Variants in PDE4D observed in about 807,000 individuals in gnomAD.
PDE4D encodes phosphodiesterase 4D.
A neutral mutation model predicts 87.4 loss-of-function variants in PDE4D; 24 were observed. The ratio of observed to expected loss-of-function variants is 0.27; its 90% CI spans 0.20 to 0.39. The LOEUF (loss-of-function observed/expected upper bound fraction) is 0.39. PDE4D is among the 10% of genes least tolerant of loss of function. The pLI is 1.00. For synonymous variants in PDE4D, 384 were observed against 383.2 expected (o/e 1.00, Z -0.02); for missense variants, 714 against 1,041.0 (o/e 0.69, Z 4.32).
chr5:60,392,178 T>C (rs1402643787), intron 1 of PDE4D, among the ~76,000 whole-genome samples: 1 of 152,160 alleles, frequency 6.6e-6, no homozygotes, highest in Non-Finnish European at 1.5e-5. Context: ...GGACCAAAGA[T>C]ACCCTGAGTT....
intron 1 of PDE4D, among the ~76,000 whole-genome samples, chr5:60,326,026 C>T (rs1461122673): frequency 2.0e-5 from 3 of 152,034 alleles, no homozygotes; most frequent in African/African-American, 7.2e-5. Context: ...AGTAGTATTC[C>T]GTGGTGTAGA....
intron 1 of PDE4D, among the ~76,000 whole-genome samples, chr5:59,342,632 CTGGGCAAGTAAACA>C (rs1051117829): frequency 1.3e-5 from 2 of 152,040 alleles, no homozygotes; most frequent in Admixed American, 1.3e-4. Context: ...GCTGAATCAA[CTGGGCAAGTAAACA>C]TGGGCAAGTA....
chr5:59,763,087 G>C (rs1347793321), intron 1 of PDE4D, among the ~76,000 whole-genome samples: 1 of 151,236 alleles, frequency 6.6e-6, no homozygotes, highest in Admixed American at 6.6e-5. Flanking sequence ...GACAGCTTTA[G>C]ACATTATCTG....
chr5:59,037,679 T>C (rs567460506), intron 6 of PDE4D, among the ~76,000 whole-genome samples: 227 of 152,302 alleles, frequency 1.5e-3, no homozygotes, highest in African/African-American at 5.1e-3. Flanking sequence ...TGGCCGTGTC[T>C]ACAGAGCCCC....
chr5:59,588,956 AT>A (rs1338365762), intron 1 of PDE4D, among the ~76,000 whole-genome samples: 1 of 152,204 alleles, frequency 6.6e-6, no homozygotes, highest in Non-Finnish European at 1.5e-5. Flanking sequence ...AAATTTTGAT[AT>A]TATATTAGAC....
At chr5:60,004,701 C>A (rs923733017) in intron 2 of PDE4D, among the ~76,000 whole-genome samples, 1 of 152,004 alleles carries the variant, frequency 6.6e-6, no homozygotes, top group Non-Finnish European at 1.5e-5. Context: ...ATACAAATGG[C>A]CAAAAGGTAT....
chr5:60,046,962 C>A (rs1769345259), intron 2 of PDE4D, among the ~76,000 whole-genome samples: 1 of 152,174 alleles, frequency 6.6e-6, no homozygotes, highest in East Asian at 1.9e-4. Context: ...CTCCTTGTAC[C>A]TCTGGTAGAA....
intron 1 of PDE4D, among the ~76,000 whole-genome samples, chr5:59,310,914 C>G (rs567924840): frequency 6.6e-6 from 1 of 152,162 alleles, no homozygotes; most frequent in South Asian, 2.1e-4. Flanking sequence ...AGTTCCCTTA[C>G]AGCTGCTGGC....
intron 3 of PDE4D, among the ~76,000 whole-genome samples, chr5:59,960,876 A>T (rs975957098): frequency 8.5e-5 from 13 of 152,208 alleles, no homozygotes; most frequent in South Asian, 2.1e-4. Context: ...TTAAAAAATT[A>T]AAAAAATATT....
chr5:60,289,538 C>T (rs1375058377), intron 1 of PDE4D, among the ~76,000 whole-genome samples: 2 of 152,118 alleles, frequency 1.3e-5, no homozygotes, highest in Non-Finnish European at 2.9e-5. Flanking sequence ...TTTCCCCACC[C>T]CTGTAGAGGA....
intron 1 of PDE4D, among the ~76,000 whole-genome samples, chr5:60,215,297 A>C (rs1465816519): frequency 6.6e-6 from 1 of 152,200 alleles, no homozygotes; most frequent in Non-Finnish European, 1.5e-5. Context: ...GATTAGGCTG[A>C]ACAGATAAAA....
At chr5:59,510,808 G>A (rs376431056) in intron 1 of PDE4D, among the ~76,000 whole-genome samples, 1 of 151,984 alleles carries the variant, frequency 6.6e-6, no homozygotes, top group African/African-American at 2.4e-5. Context: ...AGGAGCACCA[G>A]TGAAAAGTGG....
At chr5:59,903,792 G>A (rs1752534562) in intron 3 of PDE4D, among the ~76,000 whole-genome samples, 1 of 152,100 alleles carries the variant, frequency 6.6e-6, no homozygotes, top group African/African-American at 2.4e-5. Flanking sequence ...TCATACTTCA[G>A]GCCAGTGTTC....
intron 1 of PDE4D, among the ~76,000 whole-genome samples, chr5:59,600,909 C>G (rs537751233): frequency 6.6e-6 from 1 of 152,242 alleles, no homozygotes; most frequent in African/African-American, 2.4e-5. Flanking sequence ...TGGGGAGACC[C>G]AAGAGGTTTC....
intron 1 of PDE4D, among the ~76,000 whole-genome samples, chr5:59,620,780 G>A (rs1224168476): frequency 6.6e-6 from 1 of 152,164 alleles, no homozygotes. Flanking sequence ...GAATTTTGAA[G>A]TCACTCAAGG....
chr5:59,011,555 G>C (rs1442900464), intron 6 of PDE4D, among the ~76,000 whole-genome samples: 2 of 152,064 alleles, frequency 1.3e-5, no homozygotes, highest in East Asian at 3.8e-4. Context: ...AGTGATTGAA[G>C]ATGAAATGAA....
At chr5:59,071,831 T>C (rs35244458) in intron 5 of PDE4D, among the ~76,000 whole-genome samples, 47,365 of 151,166 alleles carry the variant, frequency 0.31, 7,998 homozygotes, top group Admixed American at 0.39. Context: ...GGATTACAGT[T>C]GCCTACTACC....
intron 1 of PDE4D, among the ~76,000 whole-genome samples, chr5:60,475,751 T>A (rs927163504): frequency 5.4e-5 from 8 of 147,252 alleles, no homozygotes; most frequent in African/African-American, 2.0e-4. Flanking sequence ...TCTTGTAATA[T>A]CTGAAAAATC....
chr5:60,100,829 C>T (rs1776145198), intron 2 of PDE4D, among the ~76,000 whole-genome samples: 1 of 152,082 alleles, frequency 6.6e-6, no homozygotes, highest in South Asian at 2.1e-4. Context: ...CACACATACA[C>T]ACTGTGGCAT....
Sources: allele counts gnomAD v4.1 joint callset (sites outside exome capture counted in the v4.1 genomes callset), GRCh38; gene constraint gnomAD v4.1.1; transcripts MANE v1.5; gene names NCBI Gene and HGNC (gene_info 2026-07-23, HGNC 2026-07-21).